Variants in UBTD1 observed in about 807,000 individuals in gnomAD.
UBTD1 encodes the protein ubiquitin domain containing 1.
In UBTD1, 19 loss-of-function variants were observed where a neutral mutation model predicts 21.7. That is an observed-to-expected ratio of 0.87 (90% CI 0.61 to 1.28). The LOEUF is 1.28. Ranked by LOEUF, UBTD1 falls within the 50% of genes most tolerant of loss-of-function variation. The pLI, the probability that UBTD1 is intolerant of heterozygous loss-of-function variation, is 0.00. For synonymous variants in UBTD1, 116 were observed against 135.1 expected (o/e 0.86, Z 0.98); for missense variants, 282 against 315.1 (o/e 0.89, Z 0.80).
At chr10:97,521,904 T>C (rs531615867) in intron 1 of UBTD1, among the ~76,000 whole-genome samples, 9 of 152,320 alleles carry the variant, frequency 5.9e-5, no homozygotes, top group Admixed American at 2.0e-4. Flanking sequence ...GAACTACAGA[T>C]GTTTGCGTCA....
At position 97,519,679 on chromosome 10, in the gene UBTD1, A is replaced by T. The variant is rs78576127; in HGVS notation, c.70+20406A>T. On this transcript the variant is annotated intron_variant, in intron 1 of 2. Coordinates refer to ENST00000370664, the MANE Select transcript of UBTD1 (RefSeq NM_024954.5). ...TTTGGAAAAATATATTGTTTTTTAA[A>T]TGTAGACAATTAAAGAAAGTGGACT... Among the ~76,000 whole-genome samples, 10 of 152,274 alleles carry T rather than the reference A, an allele frequency of 6.6e-5. No homozygotes were observed. In the East Asian group the frequency reaches 1.4e-3, roughly 21 times the overall value.
intron 1 of UBTD1, among the ~76,000 whole-genome samples, chr10:97,561,702 G>A (rs1023265107): frequency 6.6e-6 from 1 of 151,844 alleles, no homozygotes; most frequent in African/African-American, 2.4e-5. Flanking sequence ...TGGGCCTGGC[G>A]CCGGGCTGCC....
intron 1 of UBTD1, among the ~76,000 whole-genome samples, chr10:97,505,470 T>C (rs776293394): frequency 3.3e-5 from 5 of 152,226 alleles, no homozygotes; most frequent in Non-Finnish European, 7.3e-5. Context: ...TCTTCCTCAG[T>C]TGATCCCCCG....
At chr10:97,518,902 T>A (rs761665789) in intron 1 of UBTD1, among the ~76,000 whole-genome samples, 17 of 152,236 alleles carry the variant, frequency 1.1e-4, no homozygotes, top group Non-Finnish European at 2.4e-4. Flanking sequence ...TCTCATTTAA[T>A]CTTTGTAGTA....
At chr10:97,549,931 G>C (rs1005573033) in intron 1 of UBTD1, among the ~76,000 whole-genome samples, 2 of 152,126 alleles carry the variant, frequency 1.3e-5, no homozygotes, top group Admixed American at 1.3e-4. Flanking sequence ...CCCCCTCCCC[G>C]CCTGGGCTGA....
At chr10:97,500,787 T>G (rs2040372903) in intron 1 of UBTD1, among the ~76,000 whole-genome samples, 1 of 152,212 alleles carries the variant, frequency 6.6e-6, no homozygotes, top group Admixed American at 6.5e-5. Context: ...AGAGAAATCT[T>G]GTTCAGTCCC....
At chr10:97,550,061 G>C (rs1305922705) in intron 1 of UBTD1, among the ~76,000 whole-genome samples, 1 of 152,202 alleles carries the variant, frequency 6.6e-6, no homozygotes, top group Non-Finnish European at 1.5e-5. Flanking sequence ...CAAGAGATTC[G>C]AGTCTGTATC....
chr10:97,514,288 C>T (rs79429350), intron 1 of UBTD1, among the ~76,000 whole-genome samples: 2,260 of 152,256 alleles, frequency 0.015, 23 homozygotes, highest in Non-Finnish European at 0.022. Context: ...CCATTCTCCA[C>T]TGCTGCCCCA....
chr10:97,570,884 C>G lies in UBTD1; in HGVS notation c.*361C>G, dbSNP rs1345767962. ...CTGGTTTTCTGCTCAGGGTCTGAAG[C>G]AGCTGCTGTCTCCCTCCTCTGCCCC... On this transcript the variant is annotated 3_prime_UTR_variant, in exon 3 of 3. Coordinates refer to ENST00000370664, the MANE Select transcript of UBTD1 (RefSeq NM_024954.5). This position sits in a 1 kb window ranked among gnomAD's most constrained non-coding sequence, Gnocchi z 6.6. 4.4e-6 allele frequency: 1 copy of G among 225,008 alleles called. No individual in the cohort carries two copies. The highest frequency in any genetic ancestry group is 9.4e-5 in the East Asian group (1 of 10,598). 13.9% of individuals were successfully genotyped at this position (225,008 alleles called of 1,614,324 possible).
rs181102974 is a variant in UBTD1, at chr10:97,509,656, T to C, written c.70+10383T>C. Among the ~76,000 whole-genome samples, 4 of 152,282 alleles carry C rather than the reference T, an allele frequency of 2.6e-5. No individual in the cohort carries two copies. The East Asian group carries it at 7.7e-4, about 29-fold the overall frequency. On this transcript the variant is annotated intron_variant, in intron 1 of 2. Coordinates refer to ENST00000370664, the MANE Select transcript of UBTD1 (RefSeq NM_024954.5). ...GGGCTGGCCATGAATTTCCTTTTTT[T>C]TCCCCCCACCCTGAGACGGAGTCCT... is the stretch of plus-strand genomic sequence containing the variant.
chr10:97,536,199 T>C (rs2040560867), intron 1 of UBTD1, among the ~76,000 whole-genome samples: 1 of 151,710 alleles, frequency 6.6e-6, no homozygotes. Context: ...ACCATGTTGG[T>C]CAGGCTTGTC....
At chr10:97,560,522 G>T (rs1436164620) in intron 1 of UBTD1, among the ~76,000 whole-genome samples, 1 of 152,094 alleles carries the variant, frequency 6.6e-6, no homozygotes, top group Admixed American at 6.5e-5. Flanking sequence ...TGGAGGGGAA[G>T]GGGGTCTAAA....
At chr10:97,500,467 A>G (rs1249493652) in intron 1 of UBTD1, among the ~76,000 whole-genome samples, 1 of 152,210 alleles carries the variant, frequency 6.6e-6, no homozygotes, top group Non-Finnish European at 1.5e-5. Flanking sequence ...ACTTATTGAA[A>G]TTCTCTTGTC....
At chr10:97,528,724 AC>A (rs374972046) in intron 1 of UBTD1, among the ~76,000 whole-genome samples, 8 of 7,772 alleles carry the variant, frequency 1.0e-3, no homozygotes, top group Admixed American at 6.4e-3. Context: ...CGGGGGGCTG[AC>A]CCCCCCCACC....
chr10:97,503,106 G>T (rs2040384361), intron 1 of UBTD1, among the ~76,000 whole-genome samples: 1 of 151,952 alleles, frequency 6.6e-6, no homozygotes, highest in Admixed American at 6.6e-5. Flanking sequence ...TGTAGAGATG[G>T]GGTCTTGCTA....
At chr10:97,512,074 G>T (rs1446247385) in intron 1 of UBTD1, among the ~76,000 whole-genome samples, 1 of 152,178 alleles carries the variant, frequency 6.6e-6, no homozygotes, top group East Asian at 1.9e-4. Flanking sequence ...TTGGGGAGGG[G>T]AACACAGCAT....
intron 1 of UBTD1, among the ~76,000 whole-genome samples, chr10:97,529,655 G>C (rs1589873741): frequency 6.6e-6 from 1 of 152,182 alleles, no homozygotes; most frequent in African/African-American, 2.4e-5. Flanking sequence ...TGAGGCAGGA[G>C]AATCAGGCAG....
chr10:97,506,521 A>G (rs10882947), intron 1 of UBTD1, among the ~76,000 whole-genome samples: 34,391 of 151,484 alleles, frequency 0.23, 4,282 homozygotes, highest in Non-Finnish European at 0.28. Flanking sequence ...ATTTACTTGT[A>G]TGTAACAGCA....
chr10:97,561,549 T>C (rs529169356), intron 1 of UBTD1, among the ~76,000 whole-genome samples: 41 of 152,228 alleles, frequency 2.7e-4, no homozygotes, highest in Admixed American at 2.6e-3. Flanking sequence ...CATGCACCGG[T>C]GGTCAGAGAG....
Sources: allele counts gnomAD v4.1 joint callset (sites outside exome capture counted in the v4.1 genomes callset), GRCh38; gene constraint gnomAD v4.1.1; non-coding constraint Gnocchi (gnomAD v3.1); transcripts MANE v1.5; gene names NCBI Gene and HGNC (gene_info 2026-07-23, HGNC 2026-07-21).